The following MTCH2 variants were observed in gnomAD, a reference collection of about 807,000 sequenced individuals.
MTCH2 encodes mitochondrial carrier homolog 2.
In MTCH2, 25 loss-of-function variants were observed where a neutral mutation model predicts 50.6. The ratio of observed to expected loss-of-function variants is 0.49; its 90% CI spans 0.36 to 0.69. The LOEUF is 0.69. MTCH2 is among the 30% of genes least tolerant of loss of function. The pLI is 0.00. For missense variants in MTCH2, 273 were observed against 384.4 expected, an observed-to-expected ratio of 0.71 and a Z score of 2.42; for synonymous variants, 106 against 132.0, an observed-to-expected ratio of 0.80 and a Z score of 1.35.
At chr11:47,629,590 T>C (rs1427536634) in intron 8 of MTCH2, among the ~76,000 whole-genome samples, 1 of 152,090 alleles carries the variant, frequency 6.6e-6, no homozygotes, top group Non-Finnish European at 1.5e-5. Context: ...CAGCTTCAAA[T>C]GCCAGCTCCA....
intron 12 of MTCH2, among the ~76,000 whole-genome samples, chr11:47,619,454 A>C (rs1009383751): frequency 4.6e-5 from 7 of 151,930 alleles, no homozygotes; most frequent in Non-Finnish European, 8.8e-5. Context: ...GGCTGGTCTC[A>C]AACTCCTGAC....
downstream of MTCH2, among the ~76,000 whole-genome samples, chr11:47,614,587 C>T (rs2097287304): frequency 1.3e-5 from 2 of 152,080 alleles, no homozygotes; most frequent in African/African-American, 2.4e-5. Flanking sequence ...CTGCCTCAGC[C>T]TCTTTTTTTT....
In MTCH2 at chr11:47,631,101, A is replaced by G; in HGVS notation, c.428-14T>C. On this transcript the variant is annotated splice_polypyrimidine_tract_variant and intron_variant, in intron 6 of 12. Transcript: ENST00000302503. ...TCAGAGTGATCACTGTGGAATATAGAGAAAAGATGTTTACAACTATGTTAA... is the reference window on the plus strand; with the variant it reads ...TCAGAGTGATCACTGTGGAATATAGGGAAAAGATGTTTACAACTATGTTAA... The G allele has an allele frequency of 1.2e-6, 2 of 1,609,770 alleles. 1 individual carries two copies. Among genetic ancestry groups the G allele is most frequent in the South Asian group, 2.2e-5 (2 of 90,836 alleles).
intron 6 of MTCH2, 60 bp downstream of exon 6, chr11:47,631,594 C>T: frequency 6.5e-7 from 1 of 1,549,038 alleles, no homozygotes; most frequent in South Asian, 1.1e-5. Context: ...GTCAACCTAT[C>T]TAAGTGGTCA....
chr11:47,625,374 G>T (rs1375389055), intron 11 of MTCH2, among the ~76,000 whole-genome samples: 1 of 146,458 alleles, frequency 6.8e-6, no homozygotes, highest in Admixed American at 6.9e-5. Context: ...AGTGAGCCGA[G>T]ATCATGCTAC....
intron 3 of MTCH2, among the ~76,000 whole-genome samples, chr11:47,636,656 C>T (rs919684342): frequency 6.6e-6 from 1 of 151,700 alleles, no homozygotes; most frequent in Non-Finnish European, 1.5e-5. Context: ...TGCTTGAACC[C>T]GGTAGGTGGA....
At chr11:47,626,655 C>G (rs146010181) in intron 10 of MTCH2, among the ~76,000 whole-genome samples, 52 of 152,100 alleles carry the variant, frequency 3.4e-4, no homozygotes, top group African/African-American at 1.2e-3. Flanking sequence ...CTCTGTCGCC[C>G]AGGCCGAAGT....
At chr11:47,616,258 A>G (rs2097288349), downstream of MTCH2, among the ~76,000 whole-genome samples, 1 of 152,176 alleles carries the variant, frequency 6.6e-6, no homozygotes, top group Non-Finnish European at 1.5e-5. Flanking sequence ...CAAGGTTTCA[A>G]TGGTCACCAC....
At chr11:47,638,562 A>AG (rs1407818228) in intron 3 of MTCH2, 137 bp downstream of exon 3, 13 of 653,928 alleles carry the variant, frequency 2.0e-5, no homozygotes, top group African/African-American at 6.3e-5. Context: ...AAAAAAAAAA[A>AG]AAAAGAAAGT....
At chr11:47,628,721 C>T (rs1006691035) in intron 9 of MTCH2, among the ~76,000 whole-genome samples, 4 of 152,220 alleles carry the variant, frequency 2.6e-5, no homozygotes, top group South Asian at 2.1e-4. Flanking sequence ...ACTATAGGCA[C>T]GCACCACCAC....
At chr11:47,628,828 T>A (rs771081012) in intron 9 of MTCH2, 125 bp downstream of exon 9, 3 of 744,008 alleles carry the variant, frequency 4.0e-6, no homozygotes, top group Admixed American at 2.5e-5. Context: ...TCCGCCCACA[T>A]TGGCCTCCCA....
intron 12 of MTCH2, among the ~76,000 whole-genome samples, chr11:47,619,384 C>A (rs1275484559): frequency 2.2e-4 from 33 of 152,070 alleles, no homozygotes; most frequent in Non-Finnish European, 1.5e-5. Flanking sequence ...AAGGAACGCG[C>A]CACCGTGCCT....
the MTCH2 span, among the ~76,000 whole-genome samples, chr11:47,607,828 A>C: frequency 6.6e-6 from 1 of 152,202 alleles, no homozygotes; most frequent in Non-Finnish European, 1.5e-5. Flanking sequence ...TACTTGAGCC[A>C]ATGTAGCCAG....
chr11:47,631,593 T>C (rs1056501977), intron 6 of MTCH2, 61 bp downstream of exon 6: 68 of 1,544,654 alleles, frequency 4.4e-5, no homozygotes, highest in Non-Finnish European at 5.9e-5. Flanking sequence ...CGTCAACCTA[T>C]CTAAGTGGTC....
At chr11:47,609,138 A>AG in the MTCH2 span, among the ~76,000 whole-genome samples, 1 of 128,050 alleles carries the variant, frequency 7.8e-6, no homozygotes, top group Non-Finnish European at 1.6e-5. Flanking sequence ...AAAAAAAAAA[A>AG]AAAAAAAAGA....
chr11:47,606,950 G>A, the MTCH2 span, among the ~76,000 whole-genome samples: 104 of 152,344 alleles, frequency 6.8e-4, 1 homozygote, highest in South Asian at 0.021. Context: ...CTCAGAGCAC[G>A]TCAGGCAGTC....
intron 1 of MTCH2, among the ~76,000 whole-genome samples, chr11:47,640,282 T>C (rs370960882): frequency 3.3e-5 from 5 of 152,196 alleles, no homozygotes; most frequent in African/African-American, 1.2e-4. Context: ...TGAGCCGAGA[T>C]TGTGCCATTG....
intron 3 of MTCH2, among the ~76,000 whole-genome samples, chr11:47,635,992 G>A (rs2097308221): frequency 6.6e-6 from 1 of 151,972 alleles, no homozygotes; most frequent in Non-Finnish European, 1.5e-5. Context: ...GCGGAGCATT[G>A]GGGCGCACGC....
chr11:47,625,024 G>A (rs746549443), intron 11 of MTCH2, among the ~76,000 whole-genome samples: 46 of 152,186 alleles, frequency 3.0e-4, no homozygotes, highest in Middle Eastern at 3.2e-3. Context: ...GGAGGTGTCT[G>A]TTGCAATGGA....
Sources: allele counts gnomAD v4.1 joint callset (sites outside exome capture counted in the v4.1 genomes callset), GRCh38; gene constraint gnomAD v4.1.1; transcripts MANE v1.5; gene names NCBI Gene and HGNC (gene_info 2026-07-23, HGNC 2026-07-21).